IFT81: variants seen among roughly 807,000 people sequenced by gnomAD.
IFT81 encodes the protein intraflagellar transport 81.
In IFT81, 72 loss-of-function variants were observed where a neutral mutation model predicts 102.6. That is an observed-to-expected ratio of 0.70 (90% confidence interval 0.58 to 0.85). The LOEUF (loss-of-function observed/expected upper bound fraction) is 0.85. IFT81 is among the 40% of genes least tolerant of loss of function. IFT81 has a pLI of 0.00. For missense variants in IFT81, 723 were observed against 787.3 expected (o/e 0.92, Z 0.98); for synonymous variants, 237 against 242.7 (o/e 0.98, Z 0.22).
intron 10 of IFT81, among the ~76,000 whole-genome samples, chr12:110,157,639 T>C (rs1415125819): frequency 1.3e-5 from 2 of 152,352 alleles, no homozygotes; most frequent in Non-Finnish European, 1.5e-5. Flanking sequence ...CTTTTCCTTC[T>C]GGGACTCCCA....
chr12:110,134,245 T>C (rs565624997), intron 5 of IFT81, among the ~76,000 whole-genome samples: 39 of 152,334 alleles, frequency 2.6e-4, no homozygotes, highest in Non-Finnish European at 4.4e-4. Flanking sequence ...TGTTCTTCAG[T>C]ACAGTGCTAT....
chr12:110,137,019 A>G (rs1178666490), intron 8 of IFT81, among the ~76,000 whole-genome samples, 159 bp downstream of exon 8: 3 of 152,232 alleles, frequency 2.0e-5, no homozygotes, highest in Non-Finnish European at 4.4e-5. Flanking sequence ...CCTGATAAAG[A>G]CATCCCTGGG....
At chr12:110,206,249 G>A in intron 17 of IFT81, among the ~76,000 whole-genome samples, 1 of 152,050 alleles carries the variant, frequency 6.6e-6, no homozygotes, top group South Asian at 2.1e-4. Context: ...TGTAAATACT[G>A]CTTAGTCCTT....
chr12:110,159,657 A>G (rs1338453650), intron 10 of IFT81, among the ~76,000 whole-genome samples: 3 of 152,238 alleles, frequency 2.0e-5, no homozygotes, highest in African/African-American at 7.2e-5. Context: ...CACTTCAGTA[A>G]GAGGGGGAGG....
chr12:110,184,504 G>T (rs951397785), intron 12 of IFT81, among the ~76,000 whole-genome samples: 2 of 152,136 alleles, frequency 1.3e-5, no homozygotes, highest in Non-Finnish European at 2.9e-5. Flanking sequence ...ACCGTCTAGT[G>T]CATCTTTGTA....
chr12:110,203,670 A>G, intron 14 of IFT81, 194 bp from the exon 15 acceptor site: 3 of 601,910 alleles, frequency 5.0e-6, no homozygotes, highest in South Asian at 3.6e-5. Flanking sequence ...AGCTCAATAC[A>G]TGGTAGCTAT....
chr12:110,152,045 A>G (rs541499570), intron 10 of IFT81, among the ~76,000 whole-genome samples: 35 of 152,264 alleles, frequency 2.3e-4, no homozygotes, highest in African/African-American at 6.3e-4. Flanking sequence ...TTCTTTATCT[A>G]TTCATTCACT....
chr12:110,135,685 A>G (rs1435693804), intron 7 of IFT81, among the ~76,000 whole-genome samples: 2 of 151,934 alleles, frequency 1.3e-5, no homozygotes, highest in Admixed American at 6.6e-5. Flanking sequence ...TGGCCAGCAC[A>G]GTGAAACCCT....
intron 11 of IFT81, among the ~76,000 whole-genome samples, chr12:110,165,294 T>A (rs1352969720): frequency 1.3e-5 from 2 of 152,146 alleles, no homozygotes; most frequent in African/African-American, 4.8e-5. Context: ...TTTTCTACTA[T>A]GATAAAGTGA....
At chr12:110,202,399 C>T (rs1440730795) in intron 14 of IFT81, among the ~76,000 whole-genome samples, 1 of 152,012 alleles carries the variant, frequency 6.6e-6, no homozygotes, top group Non-Finnish European at 1.5e-5. Flanking sequence ...TTTAAATTTC[C>T]TCCCTGCCCC....
At chr12:110,141,677 G>A (rs1894900383) in intron 8 of IFT81, among the ~76,000 whole-genome samples, 2 of 151,988 alleles carry the variant, frequency 1.3e-5, no homozygotes, top group African/African-American at 2.4e-5. Context: ...GTCAGGAGTT[G>A]CAGACCAGCC....
intron 9 of IFT81, among the ~76,000 whole-genome samples, chr12:110,144,980 C>T (rs534633786): frequency 6.7e-6 from 1 of 150,112 alleles, no homozygotes; most frequent in Admixed American, 6.7e-5. Flanking sequence ...ATTCTTCTAC[C>T]TCAGCCTCTC....
intron 18 of IFT81, among the ~76,000 whole-genome samples, chr12:110,211,464 T>C (rs1869431989): frequency 1.3e-5 from 2 of 152,192 alleles, no homozygotes; most frequent in Non-Finnish European, 2.9e-5. Context: ...GTGCTAGGAT[T>C]ACAGACATGA....
intron 18 of IFT81, among the ~76,000 whole-genome samples, chr12:110,210,250 C>A (rs1869228987): frequency 6.6e-6 from 1 of 152,192 alleles, no homozygotes; most frequent in Admixed American, 6.5e-5. Context: ...GCCCTCTAAT[C>A]ACTTTAGAGT....
intron 15 of IFT81, 199 bp from the exon 16 acceptor site, chr12:110,205,244 A>G (rs1189795706): frequency 4.6e-6 from 2 of 434,022 alleles, no homozygotes; most frequent in Non-Finnish European, 7.8e-6. Flanking sequence ...AAAAAATACA[A>G]TTGAACTTGC....
intron 11 of IFT81, chr12:110,167,762 A>G: frequency 6.1e-6 from 1 of 163,046 alleles, no homozygotes; most frequent in Non-Finnish European, 1.3e-5. Flanking sequence ...AACGTGCCAT[A>G]TATCATACTA....
intron 14 of IFT81, among the ~76,000 whole-genome samples, chr12:110,195,180 TCTC>T (rs1368001330): frequency 1.3e-5 from 2 of 152,156 alleles, no homozygotes; most frequent in African/African-American, 4.8e-5. Context: ...AAAATCTCCT[TCTC>T]CTCCTTTTTC....
At chr12:110,126,067 A>G (rs991541178) in intron 1 of IFT81, among the ~76,000 whole-genome samples, 1 of 152,178 alleles carries the variant, frequency 6.6e-6, no homozygotes, top group South Asian at 2.1e-4. Flanking sequence ...TCACGAGGTC[A>G]GGAGATCCAG....
chr12:110,155,849 A>G (rs959732328), intron 10 of IFT81, among the ~76,000 whole-genome samples: 2 of 151,488 alleles, frequency 1.3e-5, no homozygotes, highest in Non-Finnish European at 2.9e-5. Context: ...TTCTATAGCT[A>G]TTTTCTTTGT....
Sources: allele counts gnomAD v4.1 joint callset (sites outside exome capture counted in the v4.1 genomes callset), GRCh38; gene constraint gnomAD v4.1.1; transcripts MANE v1.5; gene names NCBI Gene and HGNC (gene_info 2026-07-23, HGNC 2026-07-21).